TTC7A: variants seen among roughly 807,000 people sequenced by gnomAD.
TTC7A encodes the protein tetratricopeptide repeat protein 7A.
A neutral mutation model predicts 103.7 loss-of-function variants in TTC7A; 110 were observed. The observed-to-expected ratio is 1.06, with a 90% CI of 0.91 to 1.24. TTC7A has a LOEUF of 1.24. TTC7A is among the 50% of genes most tolerant of loss of function. The probability of loss-of-function intolerance (pLI) is 0.00; values close to 1 mark genes in which losing one functional copy is unlikely to be tolerated. For synonymous variants in TTC7A, 521 were observed against 467.9 expected (o/e 1.11, Z -1.47); for missense variants, 1,340 against 1,116.3 (o/e 1.20, Z -2.86).
chr2:47,072,408 C>T (rs1373145194), intron 19 of TTC7A, among the ~76,000 whole-genome samples: 3 of 152,206 alleles, frequency 2.0e-5, no homozygotes, highest in Admixed American at 6.5e-5. Context: ...GAGGCCTTTC[C>T]TAGGGCTTCC....
At chr2:46,974,146 A>G (rs1432196630) in intron 3 of TTC7A, among the ~76,000 whole-genome samples, 1 of 152,246 alleles carries the variant, frequency 6.6e-6, no homozygotes, top group Non-Finnish European at 1.5e-5. Flanking sequence ...AACAAGAGCG[A>G]GGTCTGGAAT....
chr2:46,994,591 C>G (rs898605904), intron 7 of TTC7A, 77 bp downstream of exon 7: 2 of 1,469,480 alleles, frequency 1.4e-6, no homozygotes, highest in Admixed American at 1.8e-5. Flanking sequence ...GTGGCTTCCT[C>G]TTTGCCCCAT....
intron 11 of TTC7A, among the ~76,000 whole-genome samples, chr2:47,014,925 A>G (rs949123342): frequency 2.6e-5 from 4 of 152,212 alleles, no homozygotes; most frequent in Non-Finnish European, 5.9e-5. Context: ...GACACCCCAT[A>G]CCGGGTCTGG....
At chr2:46,957,231 C>T (rs1487065078) in intron 3 of TTC7A, among the ~76,000 whole-genome samples, 4 of 152,230 alleles carry the variant, frequency 2.6e-5, no homozygotes, top group Non-Finnish European at 5.9e-5. Flanking sequence ...CTGTCAACAA[C>T]AATTACCCTA....
intron 14 of TTC7A, among the ~76,000 whole-genome samples, chr2:47,025,714 T>A (rs1396909409): frequency 6.6e-6 from 1 of 152,172 alleles, no homozygotes; most frequent in Non-Finnish European, 1.5e-5. Context: ...GGCTGTTGTT[T>A]CCACTGTCGT....
At chr2:47,072,646 C>G (rs1684857848) in intron 19 of TTC7A, among the ~76,000 whole-genome samples, 1 of 152,184 alleles carries the variant, frequency 6.6e-6, no homozygotes, top group South Asian at 2.1e-4. Context: ...TCCCCACCCC[C>G]ACTGCGGCCC....
rs1681487088 is a variant in TTC7A at position 47,039,336 on chromosome 2, G to T, written c.1803-6979G>T. Among the ~76,000 whole-genome samples, 9 of 152,202 alleles carry T rather than the reference G, an allele frequency of 5.9e-5. 1 individual carries two copies. The South Asian group carries it at 1.9e-3, about 32-fold the overall frequency. On this transcript the variant is annotated intron_variant, in intron 15 of 19. Transcript: ENST00000319190. ...AAAATGTGCACCCGACGTGCTTGCT[G>T]CCCACACAGCCTGTGTGTTTCCGTG...
intron 1 of TTC7A, among the ~76,000 whole-genome samples, chr2:46,947,286 T>C (rs550385771): frequency 1.3e-5 from 2 of 152,324 alleles, no homozygotes; most frequent in South Asian, 4.1e-4. Flanking sequence ...CTTTCAGGGC[T>C]GTAGAGATGA....
intron 3 of TTC7A, among the ~76,000 whole-genome samples, chr2:46,974,127 A>G (rs1226140211): frequency 6.6e-6 from 1 of 152,238 alleles, no homozygotes; most frequent in East Asian, 1.9e-4. Flanking sequence ...CCACTTGCAG[A>G]GTCCAATTAA....
At chr2:47,058,526 T>G (rs1683504727) in intron 18 of TTC7A, among the ~76,000 whole-genome samples, 1 of 152,220 alleles carries the variant, frequency 6.6e-6, no homozygotes, top group Non-Finnish European at 1.5e-5. Context: ...CTCTGTTCTC[T>G]ATCCCACCCC....
At chr2:46,958,388 G>A (rs1267375987) in intron 3 of TTC7A, 2 of 829,184 alleles carry the variant, frequency 2.4e-6, no homozygotes. Context: ...CTTCAGCCAT[G>A]GACGCCCTGA....
At chr2:46,957,816 G>A (rs2104027344) in intron 3 of TTC7A, among the ~76,000 whole-genome samples, 1 of 152,324 alleles carries the variant, frequency 6.6e-6, no homozygotes, top group Admixed American at 6.5e-5. Context: ...TTGGATGTTT[G>A]ATCGTCTCCC....
chr2:47,002,953 TGAGGGCCTATC>T (rs1676986134), intron 8 of TTC7A, among the ~76,000 whole-genome samples: 1 of 152,144 alleles, frequency 6.6e-6, no homozygotes, highest in South Asian at 2.1e-4. Flanking sequence ...GCCTGCCTAT[TGAGGGCCTATC>T]ACCAGCCTGA....
intron 3 of TTC7A, among the ~76,000 whole-genome samples, chr2:46,967,881 C>A (rs895790118): frequency 6.6e-6 from 1 of 151,938 alleles, no homozygotes; most frequent in African/African-American, 2.4e-5. Context: ...TCGGTTTCCC[C>A]CCGAGAGCTG....
chr2:47,041,233 C>T (rs1232656031), intron 15 of TTC7A, among the ~76,000 whole-genome samples: 3 of 152,172 alleles, frequency 2.0e-5, no homozygotes, highest in Admixed American at 6.5e-5. Context: ...TGTGGGAGTC[C>T]GGCCCACACT....
intron 5 of TTC7A, among the ~76,000 whole-genome samples, chr2:46,984,043 A>G (rs948778090): frequency 6.6e-6 from 1 of 152,208 alleles, no homozygotes; most frequent in Non-Finnish European, 1.5e-5. Flanking sequence ...CACACCAGGC[A>G]CTTGCATGTC....
chr2:47,059,010 T>C (rs924528072), intron 18 of TTC7A, among the ~76,000 whole-genome samples: 3 of 13,698 alleles, frequency 2.2e-4, no homozygotes, highest in Non-Finnish European at 5.3e-4. Context: ...CTAAGCCTGC[T>C]TTTTTTTTTT....
intron 19 of TTC7A, among the ~76,000 whole-genome samples, chr2:47,066,893 A>C (rs529866152): frequency 6.6e-6 from 1 of 152,216 alleles, no homozygotes; most frequent in Non-Finnish European, 1.5e-5. Context: ...ATTTACAATA[A>C]GCAGAAACTT....
intron 5 of TTC7A, among the ~76,000 whole-genome samples, chr2:46,982,453 G>A (rs74405291): frequency 6.6e-6 from 1 of 152,128 alleles, no homozygotes; most frequent in Non-Finnish European, 1.5e-5. Context: ...ATGCCTGGCA[G>A]ACAGGAGAGT....
Sources: allele counts gnomAD v4.1 joint callset (sites outside exome capture counted in the v4.1 genomes callset), GRCh38; gene constraint gnomAD v4.1.1; transcripts MANE v1.5; gene names NCBI Gene and HGNC (gene_info 2026-07-23, HGNC 2026-07-21).